The following ANO10 variants were observed in gnomAD, a reference collection of about 807,000 sequenced individuals.
ANO10 encodes the protein anoctamin 10.
ANO10 carries 77 observed loss-of-function variants against 74.7 expected under a neutral mutation model. That is an observed-to-expected ratio of 1.03 (90% CI 0.86 to 1.25). ANO10 has a LOEUF of 1.25. Among genes scored for constraint, ANO10 ranks in the 50% most tolerant of loss-of-function variants. ANO10 has a pLI of 0.00. For missense variants in ANO10, 721 were observed against 778.1 expected (o/e 0.93, Z 0.87); for synonymous variants, 279 against 284.9 (o/e 0.98, Z 0.21).
At chr3:43,391,658 T>C (rs57147822) in intron 12 of ANO10, among the ~76,000 whole-genome samples, 3,739 of 152,266 alleles carry the variant, frequency 0.025, 156 homozygotes, top group African/African-American at 0.084. Flanking sequence ...CTTCGCTCAT[T>C]TGCTAGCTGT....
chr3:43,540,716 G>A (rs1230853269), intron 11 of ANO10, among the ~76,000 whole-genome samples: 2 of 152,178 alleles, frequency 1.3e-5, no homozygotes, highest in Non-Finnish European at 2.9e-5. Context: ...CAGGCCAACA[G>A]AGCCTGCACT....
intron 1 of ANO10, among the ~76,000 whole-genome samples, chr3:43,634,755 G>A (rs1009637693): frequency 1.3e-5 from 2 of 152,054 alleles, no homozygotes; most frequent in Non-Finnish European, 2.9e-5. Context: ...CCTGTGTTGG[G>A]GAGTAAGGCA....
intron 11 of ANO10, among the ~76,000 whole-genome samples, chr3:43,472,756 GA>G (rs1001016134): frequency 6.6e-6 from 1 of 152,178 alleles, no homozygotes; most frequent in African/African-American, 2.4e-5. Context: ...AGGAAATTAT[GA>G]AATTCTTGTT....
intron 11 of ANO10, among the ~76,000 whole-genome samples, chr3:43,451,879 A>C (rs1242434913): frequency 1.3e-5 from 2 of 152,202 alleles, no homozygotes; most frequent in Non-Finnish European, 2.9e-5. Flanking sequence ...ACTCTTAGAT[A>C]TCTATCTAGT....
chr3:43,434,430 C>T (rs1004302617), intron 11 of ANO10, among the ~76,000 whole-genome samples: 1 of 152,174 alleles, frequency 6.6e-6, no homozygotes, highest in African/African-American at 2.4e-5. Context: ...CATTAGAGTA[C>T]TGAGATATAA....
chr3:43,450,377 C>T (rs2074808075), intron 11 of ANO10, among the ~76,000 whole-genome samples: 5 of 151,970 alleles, frequency 3.3e-5, no homozygotes, highest in Non-Finnish European at 5.9e-5. Flanking sequence ...CCTATCTCTA[C>T]TAAAAATACA....
At chr3:43,474,802 C>T (rs1472473176) in intron 11 of ANO10, among the ~76,000 whole-genome samples, 1 of 152,088 alleles carries the variant, frequency 6.6e-6, no homozygotes, top group Non-Finnish European at 1.5e-5. Flanking sequence ...ACAGATGGTC[C>T]CCAAAATCTT....
chr3:43,395,587 T>C (rs978300191), intron 12 of ANO10, among the ~76,000 whole-genome samples: 2 of 152,198 alleles, frequency 1.3e-5, no homozygotes, highest in African/African-American at 4.8e-5. Context: ...AAATCAGTAG[T>C]ACATACATGT....
At position 43,598,543 on chromosome 3, in the gene ANO10, C is replaced by A; in HGVS notation, c.461G>T (p.Gly154Val). The change falls in exon 4 of 13, where the codon GGA becomes GTA. Residue 154 changes from glycine to valine, a missense_variant. Gly to Val is a moderately radical substitution (Grantham distance 109). Transcript: ENST00000292246. ...ACATAATGACTTACACAATGATTTT[C>A]CTGGATACAACTTTGCCTGAGGGTA... Reference protein sequence around the residue: ...PGYPQAKLYPGKSLLRRLLTS... With the variant: ...PGYPQAKLYPVKSLLRRLLTS... The A allele has an allele frequency of 6.2e-7, 1 of 1,613,022 alleles. No individual in the cohort carries two copies. The highest frequency in any genetic ancestry group is 8.5e-7 in the Non-Finnish European group (1 of 1,179,612).
At chr3:43,414,122 G>A (rs994880259) in intron 12 of ANO10, among the ~76,000 whole-genome samples, 1 of 152,094 alleles carries the variant, frequency 6.6e-6, no homozygotes, top group Non-Finnish European at 1.5e-5. Context: ...AGAAGAAAAG[G>A]CAGGATATTT....
intron 11 of ANO10, among the ~76,000 whole-genome samples, chr3:43,456,872 C>T (rs1042906151): frequency 6.6e-6 from 1 of 152,164 alleles, no homozygotes; most frequent in Admixed American, 6.5e-5. Flanking sequence ...GAGTGAAACA[C>T]AGTAAGTACG....
At chr3:43,462,722 G>T (rs2075434741) in intron 11 of ANO10, among the ~76,000 whole-genome samples, 1 of 152,194 alleles carries the variant, frequency 6.6e-6, no homozygotes, top group Non-Finnish European at 1.5e-5. Context: ...CATGTCAGAT[G>T]GGAGGCAGCC....
In ANO10 at chr3:43,447,549, G is replaced by A. The variant is rs144868061; in HGVS notation, c.1798-14822C>T. Among the ~76,000 whole-genome samples the A allele has an allele frequency of 1.6e-3, 237 of 152,284 alleles. 4 individuals carry two copies. The South Asian group carries it at 0.026, about 17-fold the overall frequency. ...GTTCATAATGAAAAGCATTTGAGAA[G>A]GTTGAGGGATTGGAGAAAAGGGAAG... is the stretch of plus-strand genomic sequence containing the variant. On this transcript the variant is annotated intron_variant, in intron 11 of 12. Transcript: ENST00000292246.
chr3:43,427,910 G>A (rs1340199870), intron 12 of ANO10, among the ~76,000 whole-genome samples: 6 of 152,176 alleles, frequency 3.9e-5, no homozygotes, highest in Non-Finnish European at 4.4e-5. Context: ...GAATTGTGAT[G>A]AAAATGTTTG....
At chr3:43,565,926 G>A (rs1017357537) in intron 7 of ANO10, among the ~76,000 whole-genome samples, 199 bp from the exon 8 acceptor site, 4 of 152,130 alleles carry the variant, frequency 2.6e-5, no homozygotes, top group African/African-American at 9.7e-5. Flanking sequence ...TGAGGTACCG[G>A]GTTCATCTCA....
chr3:43,617,592 G>A (rs1575557225), intron 1 of ANO10, among the ~76,000 whole-genome samples: 1 of 151,840 alleles, frequency 6.6e-6, no homozygotes, highest in Non-Finnish European at 1.5e-5. Context: ...TGGTCAAGAT[G>A]TAGAGAAACA....
At chr3:43,690,917 C>G in intron 1 of ANO10, 2 of 1,474,580 alleles carry the variant, frequency 1.4e-6, no homozygotes, top group South Asian at 2.6e-5. Context: ...CCTTAAGTGC[C>G]GCGCCAGCCC....
intron 5 of ANO10, among the ~76,000 whole-genome samples, chr3:43,579,410 C>T (rs1164058707): frequency 6.6e-6 from 1 of 152,126 alleles, no homozygotes; most frequent in Non-Finnish European, 1.5e-5. Context: ...TATAGTCAAA[C>T]TAAATTCTTA....
Position 43,399,745 on chromosome 3 carries a change from TGAA to T in ANO10, c.1915-32774_1915-32772del, listed in dbSNP as rs2092446368. ...GCAGGCAAATTATCTGCAGGCCTCA[TGAA>T]GACCCACATCAGAAGAGCCCCCAGG... is the stretch of plus-strand genomic sequence containing the variant. On this transcript the variant is annotated intron_variant, in intron 12 of 12. Coordinates refer to ENST00000292246, the MANE Select transcript of ANO10 (RefSeq NM_018075.5). Among the ~76,000 whole-genome samples, 3 of 152,196 alleles carry T rather than the reference TGAA, an allele frequency of 2.0e-5. No homozygotes were observed. In the South Asian group the frequency reaches 6.2e-4, roughly 32 times the overall value.
Sources: gnomAD v4.1 joint callset for allele counts (sites outside exome capture counted in the v4.1 genomes callset) on GRCh38, gnomAD v4.1.1 for gene constraint, MANE v1.5 for transcripts, NCBI Gene and HGNC (gene_info 2026-07-23, HGNC 2026-07-21) for gene names.